The following PDS5A variants were observed in gnomAD, a reference collection of about 807,000 sequenced individuals.
The protein encoded by PDS5A is sister chromatid cohesion protein PDS5 homolog A.
In PDS5A, 42 loss-of-function variants were observed where a neutral mutation model predicts 167.1. That is an observed-to-expected ratio of 0.25 (90% CI 0.20 to 0.33). The LOEUF is 0.33. Ranked by LOEUF, PDS5A falls within the 10% of genes least tolerant of loss-of-function variation. The pLI, the probability that PDS5A is intolerant of heterozygous loss-of-function variation, is 1.00. For missense variants in PDS5A, 1,033 were observed against 1,605.9 expected, an observed-to-expected ratio of 0.64 and a Z score of 6.10; for synonymous variants, 553 against 554.6, an observed-to-expected ratio of 1.00 and a Z score of 0.04.
chr4:39,976,879 C>T (rs1731145453), intron 1 of PDS5A, among the ~76,000 whole-genome samples: 2 of 152,102 alleles, frequency 1.3e-5, no homozygotes, highest in African/African-American at 4.8e-5. Flanking sequence ...TTCCGCCTTT[C>T]ACAATGAAAT....
intron 2 of PDS5A, among the ~76,000 whole-genome samples, chr4:39,930,937 A>G (rs1726001910): frequency 6.6e-6 from 1 of 152,234 alleles, no homozygotes. Flanking sequence ...TACAAAAGAA[A>G]GAATGCAATC....
At chr4:39,835,234 C>T (rs1018490305) in intron 32 of PDS5A, among the ~76,000 whole-genome samples, 11 of 152,136 alleles carry the variant, frequency 7.2e-5, no homozygotes, top group South Asian at 2.1e-4. Flanking sequence ...TGTGAGCCAC[C>T]GCACCTGGCC....
At position 39,823,106 on chromosome 4, in the gene PDS5A, T is replaced by C. The variant is rs1460075945; in HGVS notation, c.*2379A>G. ...TAGACAAATACAAGAAGCTTCAAACTAGACACAAAGGGTTAACATTAATTC... is the reference window on the plus strand; with the variant it reads ...TAGACAAATACAAGAAGCTTCAAACCAGACACAAAGGGTTAACATTAATTC... On this transcript the variant is annotated 3_prime_UTR_variant, in exon 33 of 33. Coordinates refer to ENST00000303538, the MANE Select transcript of PDS5A (RefSeq NM_001100399.2). 1.3e-5 allele frequency: 2 copies of C among 152,618 alleles called. No homozygotes were observed. The highest frequency in any genetic ancestry group is 1.3e-4 in the Admixed American group (2 of 15,284). The allele number at this position is 152,618 out of a possible 1,614,324, so 9.5% of individuals were successfully genotyped here.
intron 7 of PDS5A, among the ~76,000 whole-genome samples, chr4:39,918,356 ATT>A (rs11434177): frequency 7.3e-5 from 11 of 150,682 alleles, no homozygotes; most frequent in Middle Eastern, 3.4e-3. Flanking sequence ...ACAAAAGCTG[ATT>A]TTTTTTTTAA....
rs1250690663 is a variant in PDS5A, at chr4:39,873,096, G to C, written c.2326C>G (p.Pro776Ala). Reference protein sequence around the residue: ...NADVPEQLITPLVSLGHISML... With the variant: ...NADVPEQLITALVSLGHISML... ...GAAATGTGGCCCAATGAAACTAATG[G>C]AGTTATAAGTTGTTCTGGCACATCA... Residue 776 changes from proline (P) to alanine (A), a missense_variant, in exon 21 of 33, where the codon CCA becomes GCA. Coordinates refer to ENST00000303538, the MANE Select transcript of PDS5A (RefSeq NM_001100399.2). 6.5e-7 allele frequency: 1 copy of C among 1,539,080 alleles called. No homozygotes were observed. The highest frequency in any genetic ancestry group is 8.9e-7 in the Non-Finnish European group (1 of 1,129,286).
intron 6 of PDS5A, 84 bp from the exon 7 acceptor site, chr4:39,920,483 CTG>C (rs1724856077): frequency 1.9e-6 from 1 of 528,746 alleles, no homozygotes; most frequent in Non-Finnish European, 3.4e-6. Flanking sequence ...GTCTTCAAAT[CTG>C]TAATAAAATA....
chr4:39,916,160 C>A (rs536035713), intron 8 of PDS5A, among the ~76,000 whole-genome samples: 36 of 151,636 alleles, frequency 2.4e-4, no homozygotes, highest in Non-Finnish European at 4.6e-4. Flanking sequence ...GCCGGGCACT[C>A]CAGCCTGGGC....
chr4:39,859,291 AC>A (rs1718788714), intron 26 of PDS5A, among the ~76,000 whole-genome samples: 1 of 152,152 alleles, frequency 6.6e-6, no homozygotes, highest in African/African-American at 2.4e-5. Context: ...AAACAAACAA[AC>A]AAAAAAAACC....
At chr4:39,922,444 A>G (rs1300661129) in intron 6 of PDS5A, among the ~76,000 whole-genome samples, 178 bp downstream of exon 6, 1 of 152,240 alleles carries the variant, frequency 6.6e-6, no homozygotes, top group African/African-American at 2.4e-5. Context: ...TGATATGTTA[A>G]TCAATATATT....
At chr4:39,888,707 T>C (rs999967312) in intron 17 of PDS5A, among the ~76,000 whole-genome samples, 10 of 150,150 alleles carry the variant, frequency 6.7e-5, no homozygotes, top group African/African-American at 2.5e-4. Flanking sequence ...AAAACAAATA[T>C]TGCATATTCG....
rs184723300 is a variant in PDS5A at position 39,845,560 on chromosome 4, C to T, written c.3402+258G>A. The stretch of plus-strand genomic sequence containing the variant: ...TATACCTAAGTTGGTTATACCATTT[C>T]CCAGGAAAGTCTTCTTTGTGAATTG... On this transcript the variant is annotated intron_variant, in intron 29 of 32. Coordinates refer to ENST00000303538, the MANE Select transcript of PDS5A (RefSeq NM_001100399.2). Among the ~76,000 whole-genome samples, 54 of 152,216 alleles carry T rather than the reference C, an allele frequency of 3.5e-4. No homozygotes were observed. The Middle Eastern group carries it at 0.014, about 38-fold the overall frequency.
chr4:39,925,035 C>T (rs1725324316), intron 5 of PDS5A, among the ~76,000 whole-genome samples: 1 of 152,110 alleles, frequency 6.6e-6, no homozygotes, highest in Admixed American at 6.6e-5. Context: ...CTGCTTGAAC[C>T]CGGGAGGTGG....
chr4:39,890,208 GATT>G, intron 17 of PDS5A, 38 bp downstream of exon 17: 1 of 1,078,154 alleles, frequency 9.3e-7, no homozygotes, highest in Non-Finnish European at 1.4e-6. Flanking sequence ...TGTCGTTGCA[GATT>G]ATTATTTATT....
At chr4:39,869,494 C>T in intron 21 of PDS5A, 32 bp from the exon 22 acceptor site, 10 of 1,340,242 alleles carry the variant, frequency 7.5e-6, no homozygotes, top group Non-Finnish European at 1.1e-5. Flanking sequence ...TAGCTATTAG[C>T]ATGAAAAAAA....
At chr4:39,859,437 C>T (rs1718802684) in intron 26 of PDS5A, among the ~76,000 whole-genome samples, 1 of 152,164 alleles carries the variant, frequency 6.6e-6, no homozygotes, top group African/African-American at 2.4e-5. Context: ...AGACCCACCA[C>T]ACCCACCATG....
At chr4:39,840,186 A>G (rs537115518) in intron 31 of PDS5A, among the ~76,000 whole-genome samples, 2 of 152,166 alleles carry the variant, frequency 1.3e-5, no homozygotes, top group Non-Finnish European at 2.9e-5. Context: ...ACACTTAGCC[A>G]GTGAGTGGCA....
At chr4:39,929,447 C>T (rs534097870) in intron 2 of PDS5A, among the ~76,000 whole-genome samples, 3 of 149,814 alleles carry the variant, frequency 2.0e-5, no homozygotes, top group East Asian at 2.0e-4. Context: ...TTTTGGGACT[C>T]GGACTGGCTC....
intron 2 of PDS5A, among the ~76,000 whole-genome samples, chr4:39,964,768 G>T (rs978857973): frequency 1.3e-5 from 2 of 151,924 alleles, no homozygotes; most frequent in Admixed American, 1.3e-4. Flanking sequence ...AGACCAGCCT[G>T]GCCAACATGG....
Position 39,839,719 on chromosome 4 carries a change from G to T in PDS5A, c.3658-1511C>A, listed in dbSNP as rs528734079. On this transcript the variant is annotated intron_variant, in intron 31 of 32. Transcript: ENST00000303538. Reference sequence around the variant, plus strand: ...GATGACTACAATAAGTATATGGTGAGCAATAAAAAGATAAGCACTTCAAGA... The same window carrying T: ...GATGACTACAATAAGTATATGGTGATCAATAAAAAGATAAGCACTTCAAGA... Among the ~76,000 whole-genome samples the T allele has an allele frequency of 2.4e-4, 29 of 120,532 alleles. No individual in the cohort carries two copies. In the East Asian group the frequency reaches 2.8e-3, roughly 12 times the overall value. 79.1% of individuals were successfully genotyped at this position (120,532 alleles called of 152,430 possible).
Sources: gnomAD v4.1 joint callset for allele counts (sites outside exome capture counted in the v4.1 genomes callset) on GRCh38, gnomAD v4.1.1 for gene constraint, MANE v1.5 for transcripts, NCBI Gene and HGNC (gene_info 2026-07-23, HGNC 2026-07-21) for gene names.